GNAQ: variants seen among roughly 807,000 people sequenced by gnomAD.
GNAQ encodes the protein guanine nucleotide-binding protein G(q) subunit alpha.
GNAQ carries 8 observed loss-of-function variants against 43.9 expected under a neutral mutation model. The observed-to-expected ratio is 0.18, with a 90% CI of 0.11 to 0.33. The LOEUF is 0.33. Among genes scored for constraint, GNAQ ranks in the 10% least tolerant of loss-of-function variants. The probability of loss-of-function intolerance (pLI) is 1.00; values close to 1 mark genes in which losing one functional copy is unlikely to be tolerated. For missense variants in GNAQ, 158 were observed against 450.8 expected, an observed-to-expected ratio of 0.35 and a Z score of 5.88; for synonymous variants, 155 against 170.7, an observed-to-expected ratio of 0.91 and a Z score of 0.71.
intron 1 of GNAQ, among the ~76,000 whole-genome samples, chr9:78,002,641 T>C (rs934104290): frequency 4.6e-5 from 7 of 152,216 alleles, no homozygotes; most frequent in African/African-American, 1.7e-4. Flanking sequence ...CCCACAATCT[T>C]ACCCGCAGGT....
chr9:78,008,606 TTTC>T (rs1564177002), intron 1 of GNAQ, among the ~76,000 whole-genome samples: 1 of 146,464 alleles, frequency 6.8e-6, no homozygotes, highest in African/African-American at 2.8e-5. Flanking sequence ...TTTCATTTCA[TTTC>T]ATTTCATTTC....
At chr9:77,866,249 G>C (rs976656593) in intron 2 of GNAQ, among the ~76,000 whole-genome samples, 1 of 152,032 alleles carries the variant, frequency 6.6e-6, no homozygotes, top group African/African-American at 2.4e-5. Flanking sequence ...AGGCCAAGGC[G>C]GGCAGATCAT....
chr9:77,795,625 GA>G (rs1826645060), intron 4 of GNAQ, among the ~76,000 whole-genome samples: 1 of 152,178 alleles, frequency 6.6e-6, no homozygotes, highest in South Asian at 2.1e-4. Context: ...TAAGGCACAG[GA>G]GAGAGATCTA....
At chr9:77,806,695 T>C (rs1465551966) in intron 3 of GNAQ, among the ~76,000 whole-genome samples, 2 of 152,136 alleles carry the variant, frequency 1.3e-5, no homozygotes, top group Non-Finnish European at 2.9e-5. Context: ...GAGAAGAAAT[T>C]AGGAAAGGTA....
intron 1 of GNAQ, among the ~76,000 whole-genome samples, chr9:78,013,950 G>A (rs1823806007): frequency 6.6e-6 from 1 of 152,032 alleles, no homozygotes; most frequent in African/African-American, 2.4e-5. Context: ...CCTTGGTATA[G>A]GTGAAAAAAA....
At chr9:78,022,993 T>C (rs1464722156) in intron 1 of GNAQ, among the ~76,000 whole-genome samples, 1 of 152,154 alleles carries the variant, frequency 6.6e-6, no homozygotes, top group Non-Finnish European at 1.5e-5. Flanking sequence ...GGTTTTCAAA[T>C]CATTAAGTGA....
In GNAQ at chr9:77,922,193, G is replaced by C; in HGVS notation, c.289C>G (p.Leu97Val). 2 of 1,613,594 alleles carry C rather than the reference G, an allele frequency of 1.2e-6. No individual in the cohort carries two copies. The highest frequency in any genetic ancestry group is 1.1e-5 in the South Asian group (1 of 91,072). Residue 97 changes from leucine to valine, a missense_variant, in exon 2 of 7, where the codon CTC (leucine) becomes GTC (valine). This residue lies in a region of GNAQ where 57 missense variants were observed against 78.2 expected (regional missense o/e 0.73). Transcript: ENST00000286548. ...TGCTCATACTTGTATGGGATCTTGA[G>C]TGTGTCCATGGCTCTGATCATGGCC... The part of the protein sequence containing the change: ...MQAMIRAMDT[L>V]KIPYKYEHNK...
chr9:77,964,019 T>C (rs948073905), intron 1 of GNAQ, among the ~76,000 whole-genome samples: 1 of 152,182 alleles, frequency 6.6e-6, no homozygotes, highest in African/African-American at 2.4e-5. Flanking sequence ...GCTAGTATCA[T>C]TGCTTACAAA....
chr9:77,804,217 C>T (rs1462014127), intron 3 of GNAQ, among the ~76,000 whole-genome samples: 1 of 152,090 alleles, frequency 6.6e-6, no homozygotes, highest in African/African-American at 2.4e-5. Context: ...CCTCCCCCCA[C>T]CTATGACTGG....
intron 3 of GNAQ, among the ~76,000 whole-genome samples, chr9:77,801,997 T>A (rs1437586646): frequency 6.6e-6 from 1 of 151,986 alleles, no homozygotes; most frequent in Admixed American, 6.6e-5. Flanking sequence ...TGAAACCCCA[T>A]CTCTACTAAA....
intron 4 of GNAQ, among the ~76,000 whole-genome samples, chr9:77,795,043 T>C (rs1826635633): frequency 6.6e-6 from 1 of 152,168 alleles, no homozygotes; most frequent in African/African-American, 2.4e-5. Context: ...TTAAAATATG[T>C]GAGATGCTAT....
At chr9:77,827,251 T>C (rs1047840699) in intron 2 of GNAQ, among the ~76,000 whole-genome samples, 1 of 151,718 alleles carries the variant, frequency 6.6e-6, no homozygotes, top group African/African-American at 2.4e-5. Context: ...TACATGTGCG[T>C]GAAGACTTTA....
intron 2 of GNAQ, among the ~76,000 whole-genome samples, chr9:77,820,087 CAAAAAA>C (rs3083136): frequency 9.5e-6 from 1 of 104,992 alleles, no homozygotes; most frequent in Non-Finnish European, 1.8e-5. Flanking sequence ...ATTTAAAATG[CAAAAAA>C]AAAAAAAAAA....
At chr9:77,954,593 G>A (rs1823020235) in intron 1 of GNAQ, among the ~76,000 whole-genome samples, 1 of 152,102 alleles carries the variant, frequency 6.6e-6, no homozygotes, top group Admixed American at 6.5e-5. Context: ...ATTCAGATCA[G>A]CACTCAACAA....
intron 2 of GNAQ, among the ~76,000 whole-genome samples, chr9:77,902,092 A>G (rs1339596320): frequency 6.6e-6 from 1 of 152,168 alleles, no homozygotes; most frequent in African/African-American, 2.4e-5. Context: ...CAAGTTACCT[A>G]ACTCTTCTGA....
chr9:77,922,516 G>A (rs1221999314), intron 1 of GNAQ, among the ~76,000 whole-genome samples, 171 bp from the exon 2 acceptor site: 1 of 152,188 alleles, frequency 6.6e-6, no homozygotes, highest in Non-Finnish European at 1.5e-5. Flanking sequence ...ATTAGAGGGA[G>A]AGAGTCTATT....
chr9:77,771,210 C>A (rs2118371617), intron 5 of GNAQ, among the ~76,000 whole-genome samples: 1 of 152,180 alleles, frequency 6.6e-6, no homozygotes, highest in South Asian at 2.1e-4. Context: ...AGTTGACAGT[C>A]TATTTAAGGG....
Position 77,721,285 on chromosome 9 carries a change from C to T in GNAQ, c.*38G>A. The T allele has an allele frequency of 1.5e-6, 2 of 1,372,894 alleles. No individual in the cohort carries two copies. Among genetic ancestry groups the T allele is most frequent in the Non-Finnish European group, 2.0e-6 (2 of 984,892 alleles). The allele number at this position is 1,372,894 out of a possible 1,614,324, so 85.0% of individuals were successfully genotyped here. On this transcript the variant is annotated 3_prime_UTR_variant, in exon 7 of 7. Coordinates refer to ENST00000286548, the MANE Select transcript of GNAQ (RefSeq NM_002072.5). ...TCCCTCTTGTGTATCTTCAATAGCC[C>T]ACCAGGGAAGGGCAGGGCGGGTGTC...
chr9:77,749,024 G>A (rs1365039049), intron 5 of GNAQ, among the ~76,000 whole-genome samples: 1 of 152,176 alleles, frequency 6.6e-6, no homozygotes, highest in Non-Finnish European at 1.5e-5. Flanking sequence ...GATTTCCAGT[G>A]GTTGACTGCA....
Sources: allele counts gnomAD v4.1 joint callset (sites outside exome capture counted in the v4.1 genomes callset), GRCh38; gene constraint gnomAD v4.1.1; regional missense constraint gnomAD v4.1.1; transcripts MANE v1.5; gene names NCBI Gene and HGNC (gene_info 2026-07-23, HGNC 2026-07-21).